The following GRM5 variants were observed in gnomAD, a reference collection of about 807,000 sequenced individuals.
GRM5 encodes the protein glutamate metabotropic receptor 5.
Under a neutral mutation model 83.1 loss-of-function variants are expected in GRM5, and 19 were observed. The ratio of observed to expected loss-of-function variants is 0.23; its 90% CI spans 0.16 to 0.34. The LOEUF (loss-of-function observed/expected upper bound fraction) is 0.34, where lower values mean the gene tolerates loss of function less well. GRM5 is among the 10% of genes least tolerant of loss of function. GRM5 has a pLI of 1.00. For missense variants in GRM5, 1,160 were observed against 1,588.3 expected (o/e 0.73, Z 4.58); for synonymous variants, 675 against 633.6 (o/e 1.07, Z -0.98).
intron 2 of GRM5, among the ~76,000 whole-genome samples, chr11:89,008,841 TAGAA>T (rs1243039792): frequency 6.6e-6 from 1 of 152,188 alleles, no homozygotes; most frequent in Non-Finnish European, 1.5e-5. Context: ...GTTTAGAAGA[TAGAA>T]GGAACAATAA....
At chr11:88,851,154 C>T (rs183843474) in intron 2 of GRM5, among the ~76,000 whole-genome samples, 153 of 152,156 alleles carry the variant, frequency 1.0e-3, no homozygotes, top group African/African-American at 2.8e-3. Context: ...TAATTACATC[C>T]GCATTTCTCT....
intron 8 of GRM5, among the ~76,000 whole-genome samples, chr11:88,544,211 G>A (rs1942340636): frequency 6.6e-6 from 1 of 152,216 alleles, no homozygotes; most frequent in Middle Eastern, 3.4e-3. Flanking sequence ...TTTAAATAGT[G>A]TTACCCAGTC....
Position 88,526,572 on chromosome 11 carries a change from A to G in GRM5, c.2631-1168T>C, listed in dbSNP as rs1259610512. Among the ~76,000 whole-genome samples, 3 of 152,272 alleles carry G rather than the reference A, an allele frequency of 2.0e-5. No homozygotes were observed. In the South Asian group the frequency reaches 6.2e-4, roughly 32 times the overall value. On this transcript the variant is annotated intron_variant, in intron 8 of 9. Coordinates refer to ENST00000305447, the MANE Select transcript of GRM5 (RefSeq NM_001143831.3). ...CCACCTTCCTGGTATCCAGTAGGCT[A>G]TGATAAAGGGAGTTACTATAATAAG...
chr11:88,957,288 G>A (rs1445521536), intron 2 of GRM5, among the ~76,000 whole-genome samples: 1 of 152,198 alleles, frequency 6.6e-6, no homozygotes, highest in African/African-American at 2.4e-5. Context: ...TAAAGCAGAA[G>A]GCGGATGGAG....
At chr11:88,733,585 G>T (rs1941850993) in intron 3 of GRM5, among the ~76,000 whole-genome samples, 1 of 151,958 alleles carries the variant, frequency 6.6e-6, no homozygotes, top group Admixed American at 6.6e-5. Flanking sequence ...TTCAGAAATT[G>T]CAAGCTATTA....
At chr11:88,907,326 G>C (rs564877150) in intron 2 of GRM5, among the ~76,000 whole-genome samples, 1 of 152,072 alleles carries the variant, frequency 6.6e-6, no homozygotes, top group South Asian at 2.1e-4. Flanking sequence ...CCCACAGAGG[G>C]ACCACAGGAG....
At chr11:88,542,376 C>A (rs202200807) in intron 8 of GRM5, among the ~76,000 whole-genome samples, 1 of 136,988 alleles carries the variant, frequency 7.3e-6, no homozygotes, top group African/African-American at 2.5e-5. Context: ...AACAAACAAA[C>A]AAAAATCAAG....
intron 2 of GRM5, among the ~76,000 whole-genome samples, chr11:89,031,291 T>A (rs182024048): frequency 6.6e-6 from 1 of 151,976 alleles, no homozygotes; most frequent in Non-Finnish European, 1.5e-5. Context: ...CTATTATAAG[T>A]AATAAATCTT....
chr11:88,909,963 T>G (rs1352568486), intron 2 of GRM5, among the ~76,000 whole-genome samples: 1 of 152,004 alleles, frequency 6.6e-6, no homozygotes, highest in Non-Finnish European at 1.5e-5. Context: ...ATTTTAAGGG[T>G]AAAATTCAGT....
At chr11:88,870,437 T>C (rs1944744748) in intron 2 of GRM5, among the ~76,000 whole-genome samples, 1 of 84,016 alleles carries the variant, frequency 1.2e-5, no homozygotes, top group Admixed American at 1.5e-4. Context: ...AAAAATCCAA[T>C]TGTGACATGA....
Position 88,849,908 on chromosome 11 carries a change from G to A in GRM5, c.909C>T (p.Gly303=). The change falls in exon 3 of 10, where the codon GGC becomes GGT. Residue 303 remains glycine (G), a splice_region_variant and synonymous_variant. Transcript: ENST00000305447. The stretch of plus-strand genomic sequence containing the variant: ...TAAATTTTCTTATTATCACTCACCT[G>A]CCCAGAAGCAGAAATTCTCCCGCTA... ...LGLAGEFLLL[G]SDGWADRYDV... is the part of the protein sequence containing the mutation. The A allele has an allele frequency of 6.2e-7, 1 of 1,613,876 alleles. No homozygotes were observed.
intron 3 of GRM5, among the ~76,000 whole-genome samples, chr11:88,725,008 T>C (rs969748455): frequency 3.9e-5 from 6 of 152,136 alleles, no homozygotes; most frequent in Admixed American, 3.9e-4. Flanking sequence ...GCTGCAGTTT[T>C]TATTCATACT....
chr11:88,652,664 C>T (rs1939662401), intron 4 of GRM5, among the ~76,000 whole-genome samples: 1 of 151,970 alleles, frequency 6.6e-6, no homozygotes, highest in African/African-American at 2.4e-5. Context: ...GTTACGTTTC[C>T]TGAAACATCA....
intron 2 of GRM5, among the ~76,000 whole-genome samples, chr11:88,982,540 G>T (rs1021827127): frequency 2.0e-5 from 3 of 151,996 alleles, no homozygotes; most frequent in Non-Finnish European, 4.4e-5. Flanking sequence ...AATTATTTAT[G>T]AGAATAATAC....
intron 2 of GRM5, among the ~76,000 whole-genome samples, chr11:89,032,272 A>G (rs187496892): frequency 0.016 from 2,383 of 152,236 alleles, 60 homozygotes; most frequent in African/African-American, 0.053. Context: ...ATTTAACCAT[A>G]GAGTCTAGAT....
At chr11:88,843,755 A>T (rs1944248721) in intron 3 of GRM5, among the ~76,000 whole-genome samples, 1 of 152,260 alleles carries the variant, frequency 6.6e-6, no homozygotes, top group South Asian at 2.1e-4. Context: ...GTGAATATAG[A>T]GAAATGATAA....
intron 2 of GRM5, among the ~76,000 whole-genome samples, chr11:89,028,838 G>A (rs969587070): frequency 4.6e-5 from 7 of 152,022 alleles, no homozygotes; most frequent in Non-Finnish European, 1.0e-4. Flanking sequence ...GAACATGAAG[G>A]TTTGTTACAT....
chr11:89,010,021 CATATT>C (rs1399131942), intron 2 of GRM5, among the ~76,000 whole-genome samples: 2 of 143,436 alleles, frequency 1.4e-5, no homozygotes, highest in East Asian at 4.0e-4. Context: ...TATATACACA[CATATT>C]ATATATAATA....
At position 88,722,424 on chromosome 11, in the gene GRM5, G is replaced by A. The variant is rs111860110; in HGVS notation, c.912-69021C>T. Reference sequence around the variant, plus strand: ...CTGCGTTTTCAACACTTCTCCAAGTGTTGAGCAGAGGGAGAACTCGGAAGT... The same window carrying A: ...CTGCGTTTTCAACACTTCTCCAAGTATTGAGCAGAGGGAGAACTCGGAAGT... On this transcript the variant is annotated intron_variant, in intron 3 of 9. Transcript: ENST00000305447. Among the ~76,000 whole-genome samples, 674 of 152,200 alleles carry A rather than the reference G, an allele frequency of 4.4e-3. 5 individuals are homozygous for A. Among genetic ancestry groups the A allele is most frequent in the African/African-American group, 0.016 (644 of 41,526 alleles).
Sources: allele counts gnomAD v4.1 joint callset (sites outside exome capture counted in the v4.1 genomes callset), GRCh38; gene constraint gnomAD v4.1.1; transcripts MANE v1.5; gene names NCBI Gene and HGNC (gene_info 2026-07-23, HGNC 2026-07-21).